The following MAN2A1 variants were observed in gnomAD, a reference collection of about 807,000 sequenced individuals.
MAN2A1 encodes the protein mannosidase alpha class 2A member 1, also known as alpha-mannosidase 2.
A neutral mutation model predicts 142.6 loss-of-function variants in MAN2A1; 76 were observed. That is an observed-to-expected ratio of 0.53 (90% CI 0.44 to 0.65). MAN2A1 has a LOEUF of 0.65. Among genes scored for constraint, MAN2A1 ranks in the 30% least tolerant of loss-of-function variants. MAN2A1 has a pLI of 0.00. For missense variants in MAN2A1, 1,311 were observed against 1,365.1 expected, an observed-to-expected ratio of 0.96 and a Z score of 0.62; for synonymous variants, 559 against 473.2, an observed-to-expected ratio of 1.18 and a Z score of -2.35.
intron 5 of MAN2A1, among the ~76,000 whole-genome samples, chr5:109,755,720 G>T (rs1472682597): frequency 1.3e-5 from 2 of 148,446 alleles, no homozygotes; most frequent in African/African-American, 5.0e-5. Context: ...TTAATTGTAT[G>T]TTAAGACTTG....
chr5:109,747,936 T>C (rs1752449425), intron 4 of MAN2A1, among the ~76,000 whole-genome samples: 1 of 152,194 alleles, frequency 6.6e-6, no homozygotes, highest in African/African-American at 2.4e-5. Context: ...ATTTGCTGTT[T>C]TATTATTTTA....
intron 20 of MAN2A1, among the ~76,000 whole-genome samples, chr5:109,858,900 G>A (rs1268535864): frequency 6.6e-6 from 1 of 152,200 alleles, no homozygotes; most frequent in Non-Finnish European, 1.5e-5. Context: ...CAGGCTGCAG[G>A]TATGACAACC....
intron 20 of MAN2A1, among the ~76,000 whole-genome samples, chr5:109,857,750 C>T (rs572571204): frequency 1.1e-4 from 17 of 152,242 alleles, no homozygotes; most frequent in African/African-American, 2.6e-4. Flanking sequence ...TGAAAAATCC[C>T]GTTGCCTACT....
intron 1 of MAN2A1, among the ~76,000 whole-genome samples, 196 bp from the exon 2 acceptor site, chr5:109,713,321 GAGA>G (rs1751355077): frequency 6.6e-6 from 1 of 152,118 alleles, no homozygotes; most frequent in Non-Finnish European, 1.5e-5. Context: ...TGCAGCCGCG[GAGA>G]AGATTTTCTG....
chr5:109,783,893 T>A (rs1753527509), intron 9 of MAN2A1, among the ~76,000 whole-genome samples: 1 of 151,726 alleles, frequency 6.6e-6, no homozygotes, highest in Non-Finnish European at 1.5e-5. Flanking sequence ...AGAGACAGAG[T>A]CTTGCTCTGT....
At chr5:109,763,483 C>CT (rs975523974) in intron 5 of MAN2A1, among the ~76,000 whole-genome samples, 104 of 145,684 alleles carry the variant, frequency 7.1e-4, no homozygotes, top group Non-Finnish European at 9.6e-4. Context: ...GTTTTGTTTT[C>CT]TTTTTTTTTT....
At chr5:109,833,567 G>A (rs1356622842) in intron 16 of MAN2A1, among the ~76,000 whole-genome samples, 1 of 152,048 alleles carries the variant, frequency 6.6e-6, no homozygotes, top group Non-Finnish European at 1.5e-5. Context: ...GCACTCGGCA[G>A]GCTGAAGCAG....
chr5:109,694,481 C>T lies in MAN2A1; in HGVS notation c.135+3929C>T, dbSNP rs148293788. Among the ~76,000 whole-genome samples the T allele has an allele frequency of 2.3e-3, 349 of 152,142 alleles. 5 individuals are homozygous for T. Among genetic ancestry groups the T allele is most frequent in the African/African-American group, 7.7e-3 (319 of 41,494 alleles). On this transcript the variant is annotated intron_variant, in intron 1 of 21. Coordinates refer to ENST00000261483, the MANE Select transcript of MAN2A1 (RefSeq NM_002372.4). Reference sequence around the variant, plus strand: ...ACCTCAGCCTTCTGAGTAGCTGGGACTACAGGTGTGTATGCCACTGTGCCC... The same window carrying T: ...ACCTCAGCCTTCTGAGTAGCTGGGATTACAGGTGTGTATGCCACTGTGCCC...
In MAN2A1 at chr5:109,774,813, C is replaced by A. The variant is rs1164338172; in HGVS notation, c.1222C>A (p.Arg408=). The A allele has an allele frequency of 1.2e-6, 2 of 1,611,410 alleles. No individual in the cohort carries two copies. The highest frequency in any genetic ancestry group is 1.7e-5 in the Admixed American group (1 of 59,638). ...GGCTCGGATGCTACTAGATCAGTAC[C>A]GAAAGAAGTCAAAGCTTTTTCGTAC... ...SRARMLLDQY[R]KKSKLFRTKV... The change falls in exon 8 of 22, where the codon CGA becomes AGA. Residue 408 remains arginine (R), a synonymous_variant. Transcript: ENST00000261483.
chr5:109,745,598 T>C (rs1285305392), intron 4 of MAN2A1, among the ~76,000 whole-genome samples: 1 of 152,064 alleles, frequency 6.6e-6, no homozygotes, highest in East Asian at 1.9e-4. Flanking sequence ...ATATGAGAAA[T>C]TTATTTTTAT....
intron 4 of MAN2A1, among the ~76,000 whole-genome samples, chr5:109,730,782 C>G (rs1365850559): frequency 1.3e-5 from 2 of 152,146 alleles, no homozygotes; most frequent in African/African-American, 4.8e-5. Flanking sequence ...CACATAAGGA[C>G]ACTGAGTCGT....
At chr5:109,849,775 A>G (rs922829527) in intron 19 of MAN2A1, among the ~76,000 whole-genome samples, 4 of 150,566 alleles carry the variant, frequency 2.7e-5, no homozygotes, top group Non-Finnish European at 5.9e-5. Context: ...ATATCTTCTC[A>G]TTGCTATCAG....
intron 5 of MAN2A1, among the ~76,000 whole-genome samples, chr5:109,755,788 A>T (rs1364896192): frequency 6.6e-6 from 1 of 152,136 alleles, no homozygotes; most frequent in Non-Finnish European, 1.5e-5. Context: ...CAGCAAAAAA[A>T]GGAAAGAAAG....
chr5:109,717,076 T>C (rs1377949344), intron 3 of MAN2A1, among the ~76,000 whole-genome samples: 1 of 151,230 alleles, frequency 6.6e-6, no homozygotes, highest in Non-Finnish European at 1.5e-5. Context: ...TTTTTTTTTG[T>C]GGGGATTGGA....
At chr5:109,835,919 G>T (rs184631351) in intron 16 of MAN2A1, among the ~76,000 whole-genome samples, 353 of 152,168 alleles carry the variant, frequency 2.3e-3, no homozygotes, top group Admixed American at 6.4e-3. Context: ...TGGTACAGAG[G>T]AAGTAAAAGC....
intron 4 of MAN2A1, among the ~76,000 whole-genome samples, chr5:109,737,017 G>T (rs919782845): frequency 6.6e-6 from 1 of 150,758 alleles, no homozygotes; most frequent in Non-Finnish European, 1.5e-5. Context: ...ATTTGCAAGT[G>T]CTATTTTTTC....
intron 4 of MAN2A1, among the ~76,000 whole-genome samples, chr5:109,740,727 ATCT>A (rs3831884): frequency 0.4 from 60,535 of 151,662 alleles, 13,177 homozygotes; most frequent in African/African-American, 0.59. Flanking sequence ...ATCTCTCAGA[ATCT>A]TCTTATTTAT....
At chr5:109,694,764 G>A (rs1446259021) in intron 1 of MAN2A1, among the ~76,000 whole-genome samples, 1 of 151,850 alleles carries the variant, frequency 6.6e-6, no homozygotes, top group Non-Finnish European at 1.5e-5. Flanking sequence ...AATGAAAGTT[G>A]ACTCATGGCA....
At chr5:109,749,266 T>G (rs943994398) in intron 4 of MAN2A1, among the ~76,000 whole-genome samples, 1 of 152,160 alleles carries the variant, frequency 6.6e-6, no homozygotes, top group Non-Finnish European at 1.5e-5. Context: ...TGTCTGATGA[T>G]TCTACATAGG....
Sources: gnomAD v4.1 joint callset for allele counts (sites outside exome capture counted in the v4.1 genomes callset) on GRCh38, gnomAD v4.1.1 for gene constraint, MANE v1.5 for transcripts, NCBI Gene and HGNC (gene_info 2026-07-23, HGNC 2026-07-21) for gene names.